Variants in UBE2V2 observed in about 807,000 individuals in gnomAD.
UBE2V2 encodes the protein ubiquitin conjugating enzyme E2 V2, also known as ubiquitin-conjugating enzyme E2 variant 2.
Under a neutral mutation model 17.2 loss-of-function variants are expected in UBE2V2, and 9 were observed. That is an observed-to-expected ratio of 0.52 (90% CI 0.32 to 0.91). UBE2V2 has a LOEUF of 0.91. Ranked by LOEUF, UBE2V2 falls within the 40% of genes least tolerant of loss-of-function variation. The pLI, the probability that UBE2V2 is intolerant of heterozygous loss-of-function variation, is 0.04. For synonymous variants in UBE2V2, 61 were observed against 57.5 expected (o/e 1.06, Z -0.28); for missense variants, 133 against 182.6 (o/e 0.73, Z 1.56).
At chr8:48,053,706 G>A (rs955460988) in intron 3 of UBE2V2, among the ~76,000 whole-genome samples, 9 of 150,770 alleles carry the variant, frequency 6.0e-5, no homozygotes, top group African/African-American at 1.5e-4. Context: ...GATTACAGGC[G>A]TGAGCCACCC....
chr8:48,010,643 C>T (rs1446747475), intron 1 of UBE2V2, among the ~76,000 whole-genome samples: 4 of 150,186 alleles, frequency 2.7e-5, no homozygotes, highest in Admixed American at 2.0e-4. Flanking sequence ...CCTCGTGATC[C>T]GGCCTCCCAA....
chr8:48,002,907 C>T, the UBE2V2 span, among the ~76,000 whole-genome samples: 2 of 151,210 alleles, frequency 1.3e-5, no homozygotes, highest in Admixed American at 6.6e-5. Context: ...AATATCATGT[C>T]GTTAAAAAAG....
the UBE2V2 span, among the ~76,000 whole-genome samples, chr8:48,000,332 A>G: frequency 2.0e-5 from 3 of 152,346 alleles, no homozygotes; most frequent in African/African-American, 7.2e-5. Context: ...TCCCACTTTA[A>G]GGTCCATAAA....
At chr8:48,036,829 G>T (rs2091428375) in intron 1 of UBE2V2, among the ~76,000 whole-genome samples, 1 of 152,140 alleles carries the variant, frequency 6.6e-6, no homozygotes, top group Non-Finnish European at 1.5e-5. Flanking sequence ...AGAATGTATA[G>T]ATCAAATCTC....
chr8:48,004,483 T>C (rs528696449), upstream of UBE2V2, among the ~76,000 whole-genome samples: 1 of 152,090 alleles, frequency 6.6e-6, no homozygotes, highest in African/African-American at 2.4e-5. Context: ...AAGGATAGTA[T>C]ATTATGATTC....
At chr8:48,036,871 A>G (rs1395508530) in intron 1 of UBE2V2, among the ~76,000 whole-genome samples, 1 of 152,088 alleles carries the variant, frequency 6.6e-6, no homozygotes, top group Admixed American at 6.6e-5. Flanking sequence ...TTCTTGACTC[A>G]TGACAGATAG....
At chr8:48,008,207 C>G (rs1257230774), upstream of UBE2V2, among the ~76,000 whole-genome samples, 1 of 152,206 alleles carries the variant, frequency 6.6e-6, no homozygotes, top group African/African-American at 2.4e-5. Context: ...CAGACGTGAG[C>G]CACCGCGCCC....
chr8:48,042,063 G>A (rs890542108), intron 1 of UBE2V2: 1 of 152,172 alleles, frequency 6.6e-6, no homozygotes, highest in Non-Finnish European at 1.5e-5. Context: ...AAAGTGCTGG[G>A]ATTACAGGCC....
chr8:48,023,658 G>A (rs2091320171), intron 1 of UBE2V2, among the ~76,000 whole-genome samples: 1 of 152,048 alleles, frequency 6.6e-6, no homozygotes, highest in Non-Finnish European at 1.5e-5. Flanking sequence ...GATCACTTGA[G>A]GTCAGGAGTT....
chr8:48,029,884 G>A (rs2091371108), intron 1 of UBE2V2, among the ~76,000 whole-genome samples: 1 of 152,182 alleles, frequency 6.6e-6, no homozygotes, highest in South Asian at 2.1e-4. Context: ...TCACAGGTGA[G>A]CAGTTATGCC....
At chr8:48,028,782 G>A (rs1285509581) in intron 1 of UBE2V2, among the ~76,000 whole-genome samples, 1 of 152,000 alleles carries the variant, frequency 6.6e-6, no homozygotes, top group Non-Finnish European at 1.5e-5. Context: ...TACTGCACCC[G>A]ACCCCTTTAC....
chr8:48,047,840 C>T (rs1478330860), intron 2 of UBE2V2, among the ~76,000 whole-genome samples: 2 of 152,178 alleles, frequency 1.3e-5, no homozygotes, highest in Non-Finnish European at 2.9e-5. Flanking sequence ...TGAGCCACCA[C>T]ACCCAGCCTG....
intron 1 of UBE2V2, among the ~76,000 whole-genome samples, chr8:48,022,111 C>G (rs1358925974): frequency 6.6e-6 from 1 of 151,586 alleles, no homozygotes; most frequent in African/African-American, 2.4e-5. Flanking sequence ...CCTACTCTCC[C>G]ATTTTGAATT....
At chr8:47,997,504 TC>T in the UBE2V2 span, among the ~76,000 whole-genome samples, 1 of 151,922 alleles carries the variant, frequency 6.6e-6, no homozygotes, top group Non-Finnish European at 1.5e-5. Context: ...TTCCTTCTCA[TC>T]CAGAAGGAGG....
intron 1 of UBE2V2, among the ~76,000 whole-genome samples, chr8:48,026,635 A>C (rs545327548): frequency 7.2e-4 from 109 of 152,266 alleles, no homozygotes; most frequent in African/African-American, 2.6e-3. Context: ...AGATTTACCC[A>C]TTCTGTACTT....
intron 1 of UBE2V2, among the ~76,000 whole-genome samples, chr8:48,025,336 C>T (rs1194925101): frequency 2.6e-5 from 4 of 150,952 alleles, no homozygotes; most frequent in Admixed American, 6.6e-5. Context: ...GGTGCGATCT[C>T]GGCTCACTGC....
chr8:48,023,632 A>G (rs1367577261), intron 1 of UBE2V2, among the ~76,000 whole-genome samples: 2 of 151,974 alleles, frequency 1.3e-5, no homozygotes, highest in African/African-American at 2.4e-5. Flanking sequence ...AGCACTTTGG[A>G]AGGCCAAGGC....
In UBE2V2 at chr8:48,061,196, TCTTA is replaced by T. The variant is rs1261279344; in HGVS notation, c.*373_*376del. On this transcript the variant is annotated 3_prime_UTR_variant, in exon 4 of 4. Coordinates refer to ENST00000523111, the MANE Select transcript of UBE2V2 (RefSeq NM_003350.3). ...AAACAGAAATGGCATGCTTTACCCA[TCTTA>T]CTTAGTGAAAGAGAGCTGCAGTTGA... 9.0e-5 allele frequency: 14 copies of T among 155,452 alleles called. No individual in the cohort carries two copies. Among genetic ancestry groups the T allele is most frequent in the Admixed American group, 2.0e-4 (3 of 15,350 alleles). The allele number at this position is 155,452 out of a possible 1,614,324, so 9.6% of individuals were successfully genotyped here.
chr8:48,006,679 A>G (rs978774573), upstream of UBE2V2, among the ~76,000 whole-genome samples: 6 of 152,158 alleles, frequency 3.9e-5, no homozygotes, highest in African/African-American at 7.2e-5. Flanking sequence ...AACAGAACCA[A>G]TGACAAAAAC....
Sources: allele counts gnomAD v4.1 joint callset (sites outside exome capture counted in the v4.1 genomes callset), GRCh38; gene constraint gnomAD v4.1.1; transcripts MANE v1.5; gene names NCBI Gene and HGNC (gene_info 2026-07-23, HGNC 2026-07-21).